Variants in CNTLN observed in about 807,000 individuals in gnomAD.
CNTLN encodes the protein centlein, centrosomal protein.
CNTLN carries 212 observed loss-of-function variants against 180.0 expected under a neutral mutation model. The observed-to-expected ratio is 1.18, with a 90% CI of 1.05 to 1.32. The LOEUF (loss-of-function observed/expected upper bound fraction) is 1.32. Ranked by LOEUF, CNTLN falls within the 40% of genes most tolerant of loss-of-function variation. The pLI is 0.00. For missense variants in CNTLN, 2,095 were observed against 1,610.9 expected (o/e 1.30, Z -5.14); for synonymous variants, 722 against 563.1 (o/e 1.28, Z -3.99).
At chr9:17,368,854 G>A (rs1159841311) in intron 13 of CNTLN, among the ~76,000 whole-genome samples, 1 of 152,276 alleles carries the variant, frequency 6.6e-6, no homozygotes, top group Admixed American at 6.5e-5. Flanking sequence ...TCAAATACCG[G>A]AAAGTCTTGG....
chr9:17,279,767 A>G (rs1828546145), intron 6 of CNTLN, among the ~76,000 whole-genome samples: 1 of 151,796 alleles, frequency 6.6e-6, no homozygotes, highest in Admixed American at 6.6e-5. Context: ...CATCACTGCA[A>G]TGGTTTGAAT....
intron 1 of CNTLN, among the ~76,000 whole-genome samples, chr9:17,139,027 T>A (rs1036436905): frequency 6.6e-6 from 1 of 152,206 alleles, no homozygotes; most frequent in Non-Finnish European, 1.5e-5. Flanking sequence ...TTTTAATTTT[T>A]AAAAATTATT....
intron 13 of CNTLN, among the ~76,000 whole-genome samples, chr9:17,377,761 G>A (rs992934172): frequency 1.3e-5 from 2 of 152,162 alleles, no homozygotes; most frequent in African/African-American, 4.8e-5. Flanking sequence ...CTGTGAGGAT[G>A]TGTTACAGAG....
At chr9:17,306,146 A>ATTTTTTTTTTTTTTTTTTTTT (rs572150057) in intron 7 of CNTLN, among the ~76,000 whole-genome samples, 5 of 128,006 alleles carry the variant, frequency 3.9e-5, no homozygotes, top group Non-Finnish European at 6.6e-5. Context: ...TTAGTCGTCT[A>ATTTTTTTTTTTTTTTTTTTTT]TTTTTTTTTT....
intron 12 of CNTLN, among the ~76,000 whole-genome samples, chr9:17,359,635 A>C (rs1034444220): frequency 6.7e-6 from 1 of 148,200 alleles, no homozygotes; most frequent in African/African-American, 2.5e-5. Context: ...TAATCCCAGC[A>C]CTTTGGGAGG....
At chr9:17,294,768 G>A (rs1226985402) in intron 6 of CNTLN, among the ~76,000 whole-genome samples, 5 of 79,712 alleles carry the variant, frequency 6.3e-5, no homozygotes, top group Non-Finnish European at 1.3e-4. Context: ...GGAGCCCACC[G>A]CGGGGGGAGT....
intron 8 of CNTLN, among the ~76,000 whole-genome samples, chr9:17,310,008 AT>A (rs374804776): frequency 7.2e-5 from 11 of 152,148 alleles, no homozygotes; most frequent in African/African-American, 2.4e-4. Flanking sequence ...ATTGTACCAT[AT>A]TGTATGCATT....
At chr9:17,501,858 A>G (rs1216012699) in intron 25 of CNTLN, among the ~76,000 whole-genome samples, 1 of 152,172 alleles carries the variant, frequency 6.6e-6, no homozygotes, top group African/African-American at 2.4e-5. Context: ...TTTACTTACC[A>G]CCTATAACTG....
At chr9:17,195,028 C>T (rs552192016) in intron 2 of CNTLN, among the ~76,000 whole-genome samples, 2 of 152,252 alleles carry the variant, frequency 1.3e-5, no homozygotes, top group South Asian at 2.1e-4. Context: ...GGTCTCCCAC[C>T]GTGTCCCTCC....
intron 2 of CNTLN, among the ~76,000 whole-genome samples, chr9:17,187,017 A>G (rs189859599): frequency 2.0e-5 from 3 of 152,186 alleles, no homozygotes; most frequent in Admixed American, 1.3e-4. Flanking sequence ...TGATAATATT[A>G]TATACATTAA....
At chr9:17,324,346 A>G (rs1039403361) in intron 8 of CNTLN, among the ~76,000 whole-genome samples, 2 of 152,216 alleles carry the variant, frequency 1.3e-5, no homozygotes, top group African/African-American at 4.8e-5. Context: ...GGCTTATAAC[A>G]TATTTTGGAA....
At chr9:17,246,025 G>A (rs1002185281) in intron 5 of CNTLN, among the ~76,000 whole-genome samples, 3 of 151,904 alleles carry the variant, frequency 2.0e-5, no homozygotes, top group Non-Finnish European at 2.9e-5. Context: ...GTCTCTCCAC[G>A]ATTTGCCCTT....
intron 6 of CNTLN, among the ~76,000 whole-genome samples, chr9:17,288,904 C>T (rs1829173793): frequency 8.6e-6 from 1 of 115,854 alleles, no homozygotes; most frequent in Admixed American, 8.5e-5. Context: ...ATGTGTGTCT[C>T]TGCACGTGAG....
intron 6 of CNTLN, among the ~76,000 whole-genome samples, chr9:17,292,250 T>C (rs770181225): frequency 5.9e-5 from 9 of 152,122 alleles, no homozygotes; most frequent in Non-Finnish European, 1.3e-4. Flanking sequence ...CCCTTCATTT[T>C]GACCTTGGTG....
At chr9:17,145,210 C>T (rs1818376020) in intron 2 of CNTLN, among the ~76,000 whole-genome samples, 1 of 152,130 alleles carries the variant, frequency 6.6e-6, no homozygotes, top group Non-Finnish European at 1.5e-5. Context: ...GGGGTGGGAC[C>T]TAGATTTAAA....
chr9:17,237,209 A>G (rs1159471705), intron 5 of CNTLN, among the ~76,000 whole-genome samples: 2 of 151,918 alleles, frequency 1.3e-5, no homozygotes, highest in African/African-American at 4.8e-5. Flanking sequence ...ATACTTTTTT[A>G]TGGCATTCTC....
chr9:17,343,965 C>T (rs937675749), intron 12 of CNTLN, among the ~76,000 whole-genome samples: 1 of 152,178 alleles, frequency 6.6e-6, no homozygotes, highest in Non-Finnish European at 1.5e-5. Flanking sequence ...TCTTCTTTCA[C>T]TTAGCATAAC....
intron 8 of CNTLN, among the ~76,000 whole-genome samples, chr9:17,313,948 G>T (rs752285437): frequency 6.6e-6 from 1 of 152,026 alleles, no homozygotes; most frequent in Non-Finnish European, 1.5e-5. Flanking sequence ...ATGCCCGGCT[G>T]GTCTCAAACT....
the CNTLN span, among the ~76,000 whole-genome samples, chr9:17,514,182 T>G: frequency 6.7e-6 from 1 of 149,866 alleles, no homozygotes; most frequent in Non-Finnish European, 1.5e-5. Context: ...TAATGACACA[T>G]GCCTGTAGTC....
Sources: allele counts gnomAD v4.1 joint callset (sites outside exome capture counted in the v4.1 genomes callset), GRCh38; gene constraint gnomAD v4.1.1; transcripts MANE v1.5; gene names NCBI Gene and HGNC (gene_info 2026-07-23, HGNC 2026-07-21).